CADM2: variants seen among roughly 807,000 people sequenced by gnomAD.
The protein encoded by CADM2 is immunoglobulin superfamily member 4D.
Under a neutral mutation model 49.8 loss-of-function variants are expected in CADM2, and 12 were observed. The ratio of observed to expected loss-of-function variants is 0.24; its 90% confidence interval spans 0.15 to 0.39. CADM2 has a LOEUF of 0.39. CADM2 is among the 10% of genes least tolerant of loss of function. CADM2 has a pLI of 1.00. For synonymous variants in CADM2, 214 were observed against 175.4 expected (o/e 1.22, Z -1.74); for missense variants, 378 against 492.3 (o/e 0.77, Z 2.20).
At chr3:85,708,453 T>C (rs1488550303) in intron 1 of CADM2, among the ~76,000 whole-genome samples, 1 of 152,144 alleles carries the variant, frequency 6.6e-6, no homozygotes. Context: ...CCGCAGTCTT[T>C]AGTTTGTGAT....
chr3:85,599,953 G>A (rs2063347316), intron 1 of CADM2, among the ~76,000 whole-genome samples: 1 of 151,710 alleles, frequency 6.6e-6, no homozygotes, highest in Non-Finnish European at 1.5e-5. Flanking sequence ...GACAACTCTG[G>A]AAATTTTAAA....
At chr3:85,658,755 A>T (rs1429501782) in intron 1 of CADM2, among the ~76,000 whole-genome samples, 1 of 150,690 alleles carries the variant, frequency 6.6e-6, no homozygotes, top group Non-Finnish European at 1.5e-5. Context: ...TTTCTGACAA[A>T]CTCTACTGGA....
chr3:85,721,840 G>C (rs2107769120), intron 1 of CADM2, among the ~76,000 whole-genome samples: 1 of 152,312 alleles, frequency 6.6e-6, no homozygotes, highest in South Asian at 2.1e-4. Context: ...TCTCAGCTCT[G>C]TTTCTGTTAC....
At chr3:85,928,990 G>A (rs1462164130) in intron 6 of CADM2, among the ~76,000 whole-genome samples, 1 of 151,648 alleles carries the variant, frequency 6.6e-6, no homozygotes, top group Non-Finnish European at 1.5e-5. Context: ...TTAAAACTGC[G>A]TGAAAATTGC....
chr3:85,743,623 TA>T (rs922270628), intron 2 of CADM2, among the ~76,000 whole-genome samples: 4 of 151,852 alleles, frequency 2.6e-5, no homozygotes, highest in African/African-American at 7.2e-5. Flanking sequence ...TTGATCCCAG[TA>T]AAAAAAAGAA....
chr3:86,074,405 A>C lies in CADM2; in HGVS notation c.*7622A>C, dbSNP rs2107475434. On this transcript the variant is annotated 3_prime_UTR_variant, in exon 10 of 10. Coordinates refer to ENST00000383699, the MANE Select transcript of CADM2 (RefSeq NM_001167675.2). ...TGTTAGACCATGAAATATTCCATTA[A>C]AATTTATCTGTAAATACAAGGCAAG... 1.3e-5 allele frequency: 2 copies of C among 152,146 alleles called. No homozygotes were observed. Among genetic ancestry groups the C allele is most frequent in the Middle Eastern group, 3.4e-3 (1 of 294 alleles). 9.4% of individuals were successfully genotyped at this position (152,146 alleles called of 1,614,324 possible). A position where few individuals can be genotyped will look rare whatever the true frequency, so the allele number is the denominator to read the frequency against.
At chr3:85,188,304 CT>C (rs1307749554) in intron 1 of CADM2, among the ~76,000 whole-genome samples, 1 of 151,930 alleles carries the variant, frequency 6.6e-6, no homozygotes. Context: ...CAAGATAAGC[CT>C]TTTCAGAAGT....
At chr3:85,322,926 C>G (rs1456286275) in intron 1 of CADM2, among the ~76,000 whole-genome samples, 1 of 152,116 alleles carries the variant, frequency 6.6e-6, no homozygotes, top group Non-Finnish European at 1.5e-5. Context: ...CTTTTAGAAA[C>G]AAATAAAACT....
intron 1 of CADM2, among the ~76,000 whole-genome samples, chr3:85,678,966 C>T (rs1188533148): frequency 1.3e-5 from 2 of 152,114 alleles, no homozygotes; most frequent in South Asian, 2.1e-4. Flanking sequence ...AAAGGATTAT[C>T]TGGCAATACA....
chr3:85,796,458 T>C (rs1166898526), intron 2 of CADM2, among the ~76,000 whole-genome samples: 1 of 152,120 alleles, frequency 6.6e-6, no homozygotes, highest in African/African-American at 2.4e-5. Context: ...GACTTTCAAG[T>C]CAACTATCCA....
At chr3:85,028,446 T>C (rs901607839) in intron 1 of CADM2, among the ~76,000 whole-genome samples, 16 of 152,110 alleles carry the variant, frequency 1.1e-4, no homozygotes, top group African/African-American at 3.6e-4. Flanking sequence ...ATTTAGAAAT[T>C]TGTTGTTTTA....
intron 1 of CADM2, among the ~76,000 whole-genome samples, chr3:85,565,784 C>T (rs62250490): frequency 0.51 from 77,843 of 151,826 alleles, 23,017 homozygotes; most frequent in East Asian, 0.85. Flanking sequence ...AAGTTTTCAG[C>T]AGAGTAGTAC....
rs1703386448 is a variant in CADM2, at chr3:86,073,403, T to C, written c.*6620T>C. ...GAAACACAGTTATTGAATCTACTCT[T>C]GTCATTAACATTTTCAAAAAACAAA... is the stretch of plus-strand genomic sequence containing the variant. On this transcript the variant is annotated 3_prime_UTR_variant, in exon 10 of 10. Transcript: ENST00000383699. The C allele has an allele frequency of 6.6e-6, 1 of 152,096 alleles. No individual in the cohort carries two copies. The highest frequency in any genetic ancestry group is 1.5e-5 in the Non-Finnish European group (1 of 67,934). The allele number at this position is 152,096 out of a possible 1,614,324, so 9.4% of individuals were successfully genotyped here. A position where few individuals can be genotyped will look rare whatever the true frequency, so the allele number is the denominator to read the frequency against.
At chr3:85,636,077 T>C (rs995825495) in intron 1 of CADM2, among the ~76,000 whole-genome samples, 5 of 152,198 alleles carry the variant, frequency 3.3e-5, no homozygotes, top group Admixed American at 6.5e-5. Context: ...ATTTTTATCA[T>C]TATTGTAGAT....
intron 1 of CADM2, among the ~76,000 whole-genome samples, chr3:85,402,920 G>C (rs2035187422): frequency 6.6e-6 from 1 of 152,010 alleles, no homozygotes; most frequent in Admixed American, 6.6e-5. Flanking sequence ...TGTTAATATA[G>C]ATATAGATAT....
intron 1 of CADM2, among the ~76,000 whole-genome samples, chr3:85,049,292 T>C (rs1407722620): frequency 6.6e-6 from 1 of 152,038 alleles, no homozygotes; most frequent in African/African-American, 2.4e-5. Context: ...TGAGAAGTGA[T>C]GGAGATAATT....
chr3:85,743,188 G>A (rs1381955218), intron 2 of CADM2, among the ~76,000 whole-genome samples: 1 of 151,704 alleles, frequency 6.6e-6, no homozygotes, highest in African/African-American at 2.4e-5. Context: ...AGCCTACTGT[G>A]CTTCTTCATC....
intron 1 of CADM2, among the ~76,000 whole-genome samples, chr3:85,340,508 A>T (rs551383292): frequency 1.3e-5 from 2 of 151,736 alleles, no homozygotes; most frequent in East Asian, 3.9e-4. Context: ...ACATATGTAC[A>T]GATATCCATA....
chr3:86,045,540 TA>T (rs1418915158), intron 8 of CADM2, among the ~76,000 whole-genome samples: 4 of 152,212 alleles, frequency 2.6e-5, no homozygotes, highest in African/African-American at 9.6e-5. Flanking sequence ...TTGAACCACA[TA>T]AGCAGATGTT....
Sources: allele counts gnomAD v4.1 joint callset (sites outside exome capture counted in the v4.1 genomes callset), GRCh38; gene constraint gnomAD v4.1.1; transcripts MANE v1.5; gene names NCBI Gene and HGNC (gene_info 2026-07-23, HGNC 2026-07-21).